Variants in CPED1 observed in about 807,000 individuals in gnomAD.
CPED1 encodes the protein cadherin-like and PC-esterase domain-containing protein 1.
CPED1 carries 114 observed loss-of-function variants against 128.2 expected under a neutral mutation model. That is an observed-to-expected ratio of 0.89 (90% CI 0.76 to 1.04). CPED1 has a LOEUF of 1.04. Among genes scored for constraint, CPED1 ranks in the 50% least tolerant of loss-of-function variants. The pLI, the probability that CPED1 is intolerant of heterozygous loss-of-function variation, is 0.00. For synonymous variants in CPED1, 462 were observed against 426.7 expected (o/e 1.08, Z -1.02); for missense variants, 1,211 against 1,207.1 (o/e 1.00, Z -0.05).
chr7:121,124,995 A>T (rs1289118472), intron 8 of CPED1, among the ~76,000 whole-genome samples: 1 of 152,110 alleles, frequency 6.6e-6, no homozygotes, highest in Non-Finnish European at 1.5e-5. Flanking sequence ...ATCAATTTAA[A>T]CCTTATCATA....
chr7:121,251,732 A>C (rs1223388963), intron 18 of CPED1, among the ~76,000 whole-genome samples: 1 of 144,280 alleles, frequency 6.9e-6, no homozygotes, highest in African/African-American at 2.5e-5. Flanking sequence ...AAAGAGAATA[A>C]AATACCTAGG....
chr7:121,199,735 A>G (rs562511330), intron 16 of CPED1, among the ~76,000 whole-genome samples: 3 of 151,784 alleles, frequency 2.0e-5, no homozygotes, highest in Non-Finnish European at 2.9e-5. Context: ...AAATACAAAT[A>G]TAGAAAAAAG....
intron 5 of CPED1, among the ~76,000 whole-genome samples, chr7:121,085,968 A>G (rs1316635932): frequency 6.6e-6 from 1 of 152,314 alleles, no homozygotes; most frequent in Non-Finnish European, 1.5e-5. Flanking sequence ...AGCCGTAACT[A>G]TTTATACCAT....
At chr7:121,251,155 T>C (rs1044872677) in intron 18 of CPED1, among the ~76,000 whole-genome samples, 1 of 152,142 alleles carries the variant, frequency 6.6e-6, no homozygotes, top group African/African-American at 2.4e-5. Context: ...GCAAGGCTGG[T>C]TCAACATATG....
chr7:121,245,153 G>T (rs1288202473), intron 18 of CPED1, among the ~76,000 whole-genome samples: 3 of 152,114 alleles, frequency 2.0e-5, no homozygotes, highest in South Asian at 2.1e-4. Context: ...AGAAAAAAAG[G>T]CCTGGGCAGA....
rs530575190 is a variant in CPED1 at position 121,100,013 on chromosome 7, G to A, written c.837G>A (p.Thr279=). ...SVILKAYVLV[T]SLTPLRAFIH... ...TTCTTAAAGCGTATGTGTTGGTGAC[G>A]TCCTTAACCCCTTTGCGTGCATTCA... Residue 279 remains threonine, a synonymous_variant, in exon 7 of 23, where the codon ACG becomes ACA. Transcript: ENST00000310396. 20 of 1,613,358 alleles carry A rather than the reference G, an allele frequency of 1.2e-5. No individual in the cohort carries two copies. The African/African-American group carries it at 1.5e-4, about 12-fold the overall frequency.
intron 7 of CPED1, among the ~76,000 whole-genome samples, chr7:121,102,614 G>A (rs1326125463): frequency 6.6e-6 from 1 of 152,142 alleles, no homozygotes; most frequent in Non-Finnish European, 1.5e-5. Context: ...CATGTGACCA[G>A]TAACTCCATA....
intron 18 of CPED1, among the ~76,000 whole-genome samples, chr7:121,247,278 C>T (rs989030425): frequency 2.0e-5 from 3 of 152,116 alleles, no homozygotes; most frequent in Admixed American, 6.5e-5. Context: ...AAGTAACAAA[C>T]AGTTAAGAGT....
intron 3 of CPED1, among the ~76,000 whole-genome samples, chr7:121,021,955 C>T (rs893312983): frequency 1.3e-5 from 2 of 151,774 alleles, no homozygotes; most frequent in Non-Finnish European, 2.9e-5. Context: ...TTCAATTTAG[C>T]CTTCTCGACT....
At chr7:121,238,004 A>G (rs1293993334) in intron 17 of CPED1, among the ~76,000 whole-genome samples, 1 of 152,178 alleles carries the variant, frequency 6.6e-6, no homozygotes, top group East Asian at 1.9e-4. Flanking sequence ...CCAGTTAAAT[A>G]TTTTTTATCA....
At chr7:121,042,343 A>G (rs1232154511) in intron 3 of CPED1, among the ~76,000 whole-genome samples, 6 of 152,130 alleles carry the variant, frequency 3.9e-5, no homozygotes, top group Admixed American at 2.0e-4. Context: ...TACCTGCTGT[A>G]GTTATTTCTT....
intron 16 of CPED1, among the ~76,000 whole-genome samples, chr7:121,213,230 T>C (rs1186977640): frequency 1.3e-5 from 2 of 152,028 alleles, no homozygotes; most frequent in African/African-American, 2.4e-5. Flanking sequence ...TGAAGTCAGA[T>C]AAACCCATGG....
At chr7:121,247,890 C>T (rs1251369089) in intron 18 of CPED1, among the ~76,000 whole-genome samples, 2 of 152,188 alleles carry the variant, frequency 1.3e-5, no homozygotes, top group Non-Finnish European at 2.9e-5. Flanking sequence ...GAAAATAGGG[C>T]CAACTTCCCC....
At chr7:121,062,488 A>G (rs765656015) in intron 4 of CPED1, among the ~76,000 whole-genome samples, 2 of 152,178 alleles carry the variant, frequency 1.3e-5, no homozygotes, top group Non-Finnish European at 2.9e-5. Context: ...TGTTCCCTCC[A>G]GCCCTTTTTA....
chr7:121,083,057 A>G (rs1275060098), intron 5 of CPED1, among the ~76,000 whole-genome samples: 4 of 152,132 alleles, frequency 2.6e-5, no homozygotes, highest in Non-Finnish European at 5.9e-5. Flanking sequence ...TCAACAGCAG[A>G]TGGGAATGAA....
rs185694811 is a variant in CPED1 at position 121,099,085 on chromosome 7, A to G, written c.750-841A>G. On this transcript the variant is annotated intron_variant, in intron 6 of 22. Coordinates refer to ENST00000310396, the MANE Select transcript of CPED1 (RefSeq NM_024913.5). Reference sequence around the variant, plus strand: ...CTCTTCATTATCTGGGAGTAGGGACATTAGGTAAGATTGAACTAGTGGGGA... The same window carrying G: ...CTCTTCATTATCTGGGAGTAGGGACGTTAGGTAAGATTGAACTAGTGGGGA... 5.1e-4 allele frequency among the ~76,000 whole-genome samples: 77 copies of G among 151,242 alleles called. No individual in the cohort carries two copies. In the East Asian group the frequency reaches 0.013, roughly 26 times the overall value.
At chr7:121,126,981 C>G (rs1266641852) in intron 9 of CPED1, 109 bp from the exon 10 acceptor site, 25 of 762,058 alleles carry the variant, frequency 3.3e-5, no homozygotes, top group Non-Finnish European at 4.6e-5. Flanking sequence ...CACTAGATGT[C>G]AGTTCTGATC....
chr7:121,219,810 C>T lies in CPED1; in HGVS notation c.2056-16904C>T, dbSNP rs77114019. Among the ~76,000 whole-genome samples the T allele has an allele frequency of 0.014, 2,174 of 152,090 alleles. 140 individuals carry two copies. In the East Asian group the frequency reaches 0.22, roughly 16 times the overall value. On this transcript the variant is annotated intron_variant, in intron 16 of 22. Coordinates refer to ENST00000310396, the MANE Select transcript of CPED1 (RefSeq NM_024913.5). ...TCCATTATTTTTAATAAAACTAAAA[C>T]GTACTTGTAATTTCTCACTAAAACA...
intron 5 of CPED1, among the ~76,000 whole-genome samples, chr7:121,080,317 T>G (rs1794252050): frequency 6.6e-6 from 1 of 152,200 alleles, no homozygotes; most frequent in Admixed American, 6.5e-5. Context: ...GTTTGGATCT[T>G]CCTCAACTAA....
Sources: allele counts gnomAD v4.1 joint callset (sites outside exome capture counted in the v4.1 genomes callset), GRCh38; gene constraint gnomAD v4.1.1; transcripts MANE v1.5; gene names NCBI Gene and HGNC (gene_info 2026-07-23, HGNC 2026-07-21).